Variants in FBP2 observed in about 807,000 individuals in gnomAD.
FBP2 encodes the protein fructose-1,6-bisphosphatase isozyme 2.
In FBP2, 27 loss-of-function variants were observed where a neutral mutation model predicts 31.6. The observed-to-expected ratio is 0.85, with a 90% CI of 0.63 to 1.18. The LOEUF is 1.18. Ranked by LOEUF, FBP2 falls within the 50% of genes most tolerant of loss-of-function variation. The pLI, the probability that FBP2 is intolerant of heterozygous loss-of-function variation, is 0.00. For missense variants in FBP2, 421 were observed against 436.1 expected (o/e 0.97, Z 0.31); for synonymous variants, 168 against 179.8 (o/e 0.93, Z 0.53).
chr9:94,571,671 G>A lies in FBP2; in HGVS notation c.427-69C>T, dbSNP rs1443614096. 4 of 1,412,224 alleles carry A rather than the reference G, an allele frequency of 2.8e-6. No homozygotes were observed. In the African/African-American group the frequency reaches 4.3e-5, roughly 15 times the overall value. The allele number at this position is 1,412,224 out of a possible 1,614,324, so 87.5% of individuals were successfully genotyped here. Reference sequence around the variant, plus strand: ...GGAGAGAACACTTTGCCAGGGGCCTGGGCTTCAGATCTCCTCGAATCACTG... The same window carrying A: ...GGAGAGAACACTTTGCCAGGGGCCTAGGCTTCAGATCTCCTCGAATCACTG... On this transcript the variant is annotated intron_variant, in intron 3 of 6. Transcript: ENST00000375337.
intron 3 of FBP2, among the ~76,000 whole-genome samples, chr9:94,575,225 C>T (rs1481244764): frequency 6.6e-6 from 1 of 152,110 alleles, no homozygotes; most frequent in South Asian, 2.1e-4. Flanking sequence ...ATTTATATAA[C>T]ATTTCCAGCA....
intron 1 of FBP2, 47 bp downstream of exon 1, chr9:94,593,510 C>T (rs750516241): frequency 1.3e-6 from 2 of 1,553,612 alleles, no homozygotes; most frequent in South Asian, 2.4e-5. Context: ...ACACCCCTGC[C>T]TGGGCCTGGG....
At chr9:94,586,336 T>C (rs1028503813) in intron 2 of FBP2, among the ~76,000 whole-genome samples, 1 of 152,200 alleles carries the variant, frequency 6.6e-6, no homozygotes. Flanking sequence ...GATTGCGCCA[T>C]TGCACTCCAG....
At chr9:94,574,188 A>G (rs897881141) in intron 3 of FBP2, among the ~76,000 whole-genome samples, 1 of 152,220 alleles carries the variant, frequency 6.6e-6, no homozygotes. Context: ...TTTTCCCAAG[A>G]TAAATTCCCA....
At chr9:94,576,273 T>G (rs2131453523) in intron 3 of FBP2, among the ~76,000 whole-genome samples, 1 of 152,280 alleles carries the variant, frequency 6.6e-6, no homozygotes, top group Admixed American at 6.5e-5. Flanking sequence ...TTTAAACCCC[T>G]CCCTTCCCCC....
chr9:94,582,336 ATATG>A (rs1827378755), intron 3 of FBP2, among the ~76,000 whole-genome samples: 1 of 130,302 alleles, frequency 7.7e-6, no homozygotes, highest in Non-Finnish European at 1.6e-5. Context: ...AATCTGTTAA[ATATG>A]TGTGTGTGTG....
chr9:94,560,760 A>G (rs1361631049), intron 6 of FBP2, among the ~76,000 whole-genome samples: 1 of 148,078 alleles, frequency 6.8e-6, no homozygotes, highest in Non-Finnish European at 1.5e-5. Flanking sequence ...ATATATTTAT[A>G]TAATGTTATT....
rs1827268511 is a variant in FBP2 at position 94,571,509 on chromosome 9, C to G, written c.520G>C (p.Val174Leu). Residue 174 changes from valine to leucine, a missense_variant, in exon 4 of 7, where the codon GTG (valine) becomes CTG (leucine). Coordinates refer to ENST00000375337, the MANE Select transcript of FBP2 (RefSeq NM_003837.4). The stretch of plus-strand genomic sequence containing the variant: ...ACGCCTTGCCCTGTGGAGAGAGCCA[C>G]CAGGGTTGCACTACCGTACAGCGCA... The part of the protein sequence containing the change: ...GYALYGSATL[V>L]ALSTGQGVDL... 1.2e-6 allele frequency: 2 copies of G among 1,613,950 alleles called. No homozygotes were observed. Among genetic ancestry groups the G allele is most frequent in the South Asian group, 2.2e-5 (2 of 91,050 alleles).
chr9:94,564,256 A>G (rs1450508173), intron 5 of FBP2, among the ~76,000 whole-genome samples: 1 of 152,244 alleles, frequency 6.6e-6, no homozygotes, highest in Non-Finnish European at 1.5e-5. Context: ...CAGCAAATGC[A>G]AAAGAACTGA....
In FBP2 at chr9:94,593,800, G is replaced by T; in HGVS notation, c.-74C>A. 1.3e-6 allele frequency: 2 copies of T among 1,522,242 alleles called. No homozygotes were observed. The highest frequency in any genetic ancestry group is 1.2e-5 in the South Asian group (1 of 81,916). 94.3% of individuals were successfully genotyped at this position (1,522,242 alleles called of 1,614,324 possible). A position where few individuals can be genotyped will look rare whatever the true frequency, so the allele number is the denominator to read the frequency against. ...TACTTCTGAGGGCTGCAGCTCCGCA[G>T]TGTGGAAGCCGATAAGAAATCTGTG... On this transcript the variant is annotated 5_prime_UTR_variant, in exon 1 of 7. In the 5' UTR this introduces an upstream ATG that the reference lacks. Coordinates refer to ENST00000375337, the MANE Select transcript of FBP2 (RefSeq NM_003837.4).
chr9:94,582,351 CGTGTGTGTGTGTGT>C (rs71366248), intron 3 of FBP2, among the ~76,000 whole-genome samples: 5 of 147,742 alleles, frequency 3.4e-5, no homozygotes, highest in African/African-American at 5.0e-5. Flanking sequence ...TGTGTGTGTG[CGTGTGTGTGTGTGT>C]GTGTGTGTGT....
chr9:94,562,712 G>T (rs561675426), intron 6 of FBP2, among the ~76,000 whole-genome samples: 1 of 152,228 alleles, frequency 6.6e-6, no homozygotes, highest in East Asian at 1.9e-4. Flanking sequence ...TTTATGGGAG[G>T]TTCTCTGCAA....
intron 1 of FBP2, among the ~76,000 whole-genome samples, chr9:94,590,007 G>A (rs1290101279): frequency 6.6e-6 from 1 of 152,172 alleles, no homozygotes; most frequent in African/African-American, 2.4e-5. Flanking sequence ...GGTGGGCAGA[G>A]CTGAGAAACA....
At chr9:94,570,101 T>G (rs1033887100) in intron 4 of FBP2, 1 of 152,234 alleles carries the variant, frequency 6.6e-6, no homozygotes, top group Admixed American at 6.5e-5. Context: ...TCTGTCATGT[T>G]GACAAGCTCT....
intron 5 of FBP2, among the ~76,000 whole-genome samples, chr9:94,565,989 GA>G (rs1827183802): frequency 6.6e-6 from 1 of 152,168 alleles, no homozygotes; most frequent in Admixed American, 6.5e-5. Flanking sequence ...AGTGTTCTGA[GA>G]AAGCCACAGT....
Position 94,588,962 on chromosome 9 carries a change from G to A in FBP2, c.171-1493C>T, listed in dbSNP as rs116180116. 3.8e-3 allele frequency among the ~76,000 whole-genome samples: 574 copies of A among 152,242 alleles called. 3 individuals are homozygous for A. Among genetic ancestry groups the A allele is most frequent in the Middle Eastern group, 0.017 (5 of 294 alleles). On this transcript the variant is annotated intron_variant, in intron 1 of 6. Coordinates refer to ENST00000375337, the MANE Select transcript of FBP2 (RefSeq NM_003837.4). ...CACTCTTCCTCAAGAGCCATGTGACGGCCACCCCAGTCAAGCTTTGGCTCA... is the reference window on the plus strand; with the variant it reads ...CACTCTTCCTCAAGAGCCATGTGACAGCCACCCCAGTCAAGCTTTGGCTCA...
chr9:94,592,716 G>C (rs1407095114), intron 1 of FBP2, among the ~76,000 whole-genome samples: 2 of 152,184 alleles, frequency 1.3e-5, no homozygotes, highest in African/African-American at 4.8e-5. Flanking sequence ...TGTATTTTTA[G>C]TAGAGACAGG....
At chr9:94,574,588 G>T (rs1827299102) in intron 3 of FBP2, among the ~76,000 whole-genome samples, 1 of 151,956 alleles carries the variant, frequency 6.6e-6, no homozygotes, top group Admixed American at 6.6e-5. Context: ...GATTGTCATT[G>T]CCTTCTTATT....
intron 1 of FBP2, among the ~76,000 whole-genome samples, chr9:94,591,505 A>G (rs960829425): frequency 1.7e-4 from 26 of 152,190 alleles, no homozygotes; most frequent in African/African-American, 4.6e-4. Context: ...ACGCAGCCCC[A>G]GTTCCCGCTC....
Sources: gnomAD v4.1 joint callset for allele counts (sites outside exome capture counted in the v4.1 genomes callset) on GRCh38, gnomAD v4.1.1 for gene constraint, MANE v1.5 for transcripts, NCBI Gene and HGNC (gene_info 2026-07-23, HGNC 2026-07-21) for gene names.